KIF26B: variants seen among roughly 807,000 people sequenced by gnomAD.
KIF26B encodes kinesin family member 26B.
A neutral mutation model predicts 151.2 loss-of-function variants in KIF26B; 63 were observed. The observed-to-expected ratio is 0.42, with a 90% CI of 0.34 to 0.51. The LOEUF is 0.51. KIF26B is among the 20% of genes least tolerant of loss of function. The pLI is 0.07. For missense variants in KIF26B, 2,813 were observed against 2,913.6 expected (o/e 0.97, Z 0.79); for synonymous variants, 1,357 against 1,262.1 (o/e 1.08, Z -1.59).
chr1:245,311,260 A>G (rs964509642), intron 2 of KIF26B, among the ~76,000 whole-genome samples: 3 of 152,144 alleles, frequency 2.0e-5, no homozygotes, highest in African/African-American at 2.4e-5. Context: ...AGTGGCCACT[A>G]TCTCTGCATT....
At chr1:245,273,631 G>T (rs1670890316) in intron 2 of KIF26B, among the ~76,000 whole-genome samples, 1 of 151,994 alleles carries the variant, frequency 6.6e-6, no homozygotes, top group South Asian at 2.1e-4. Context: ...CTGGTTTCTT[G>T]TGGCAGTTTT....
intron 4 of KIF26B, among the ~76,000 whole-genome samples, chr1:245,534,512 G>A (rs1336344163): frequency 2.6e-5 from 4 of 152,064 alleles, no homozygotes; most frequent in Non-Finnish European, 5.9e-5. Flanking sequence ...CATCCTGCTA[G>A]AGAGACTTTT....
chr1:245,602,231 C>G lies in KIF26B; in HGVS notation c.1351-346C>G, dbSNP rs1292908652. Among the ~76,000 whole-genome samples, 2 of 152,128 alleles carry G rather than the reference C, an allele frequency of 1.3e-5. No individual in the cohort carries two copies. The highest frequency in any genetic ancestry group is 1.3e-4 in the Admixed American group (2 of 15,272). On this transcript the variant is annotated intron_variant, in intron 5 of 14. Transcript: ENST00000407071. The surrounding 1 kb of genome is among the most constrained non-coding windows in gnomAD (Gnocchi z 4.5). ...GTGAGCTTCAAGGAAACTGCACCAG[C>G]CCCTATAGTTTGGCAGTCCAGACTA...
At chr1:245,366,366 A>G (rs1672952202) in intron 2 of KIF26B, among the ~76,000 whole-genome samples, 1 of 151,992 alleles carries the variant, frequency 6.6e-6, no homozygotes, top group Non-Finnish European at 1.5e-5. Context: ...CCCCATCTCT[A>G]CTAAAAGTAC....
chr1:245,527,523 G>GTTTT (rs1219756621), intron 4 of KIF26B, among the ~76,000 whole-genome samples: 2 of 40,524 alleles, frequency 4.9e-5, no homozygotes, highest in African/African-American at 9.0e-5. Context: ...CTTTGGGATG[G>GTTTT]CTTTTTTTTT....
intron 3 of KIF26B, among the ~76,000 whole-genome samples, chr1:245,397,442 C>T (rs1258083707): frequency 6.6e-6 from 1 of 152,110 alleles, no homozygotes; most frequent in Admixed American, 6.5e-5. Context: ...TATCGAACTC[C>T]CGACCTCAGG....
chr1:245,261,421 G>A (rs759627343), intron 2 of KIF26B, among the ~76,000 whole-genome samples: 3 of 151,326 alleles, frequency 2.0e-5, no homozygotes, highest in African/African-American at 7.3e-5. Flanking sequence ...ATGAGCCACC[G>A]CGCCCAGCTT....
intron 2 of KIF26B, among the ~76,000 whole-genome samples, chr1:245,276,648 T>G (rs914155382): frequency 2.6e-5 from 4 of 152,160 alleles, no homozygotes; most frequent in African/African-American, 7.2e-5. Flanking sequence ...TCCTCTTGCT[T>G]ACACTGTGCT....
At chr1:245,627,698 T>G (rs890609602) in intron 9 of KIF26B, among the ~76,000 whole-genome samples, 3 of 151,800 alleles carry the variant, frequency 2.0e-5, no homozygotes, top group Admixed American at 6.6e-5. Flanking sequence ...AGGAGCCAGT[T>G]TTTTGAAAAA....
At chr1:245,344,179 CCTAT>C (rs1204684607) in intron 2 of KIF26B, among the ~76,000 whole-genome samples, 1 of 150,732 alleles carries the variant, frequency 6.6e-6, no homozygotes, top group African/African-American at 2.4e-5. Context: ...TGTCTCCCTC[CCTAT>C]CTCTTTCTTT....
rs546464276 is a variant in KIF26B at position 245,479,114 on chromosome 1, T to G, written c.1166+59369T>G. ...GAGGGCTGGATGGATGAGTCTGGAA[T>G]TCAGGAAGCAGCCTGGGCTGCAGAT... On this transcript the variant is annotated intron_variant, in intron 4 of 14. Coordinates refer to ENST00000407071, the MANE Select transcript of KIF26B (RefSeq NM_018012.4). Among the ~76,000 whole-genome samples, 29 of 151,812 alleles carry G rather than the reference T, an allele frequency of 1.9e-4. 2 individuals carry two copies. Among genetic ancestry groups the G allele is most frequent in the Admixed American group, 3.9e-4 (6 of 15,262 alleles).
intron 12 of KIF26B, among the ~76,000 whole-genome samples, chr1:245,693,796 A>G (rs1364066700): frequency 6.6e-6 from 1 of 152,226 alleles, no homozygotes; most frequent in African/African-American, 2.4e-5. Flanking sequence ...GTTTTGTTTT[A>G]ATAAATTCAA....
intron 2 of KIF26B, among the ~76,000 whole-genome samples, chr1:245,274,398 C>T (rs113776052): frequency 2.6e-5 from 4 of 151,972 alleles, no homozygotes; most frequent in Non-Finnish European, 4.4e-5. Flanking sequence ...CAACAGGCCC[C>T]GGTGTGTGAT....
rs2043076778 is a variant in KIF26B, at chr1:245,572,664, C to A, written c.1351-29913C>A. Among the ~76,000 whole-genome samples the A allele has an allele frequency of 1.3e-5, 2 of 152,004 alleles. No homozygotes were observed. Among genetic ancestry groups the A allele is most frequent in the Non-Finnish European group, 2.9e-5 (2 of 67,998 alleles). ...GTTGCCTTTCCTAGAAGGAATCATC[C>A]CGATGATACTATTCCTTACTTCTCA... On this transcript the variant is annotated intron_variant, in intron 5 of 14. Transcript: ENST00000407071. This position sits in a 1 kb window ranked among gnomAD's most constrained non-coding sequence, Gnocchi z 4.2.
rs1672740829 is a variant in KIF26B at position 245,358,255 on chromosome 1, T to C, written c.466-8579T>C. Among the ~76,000 whole-genome samples, 1 of 152,206 alleles carries C rather than the reference T, an allele frequency of 6.6e-6. No individual in the cohort carries two copies. The highest frequency in any genetic ancestry group is 2.4e-5 in the African/African-American group (1 of 41,450). On this transcript the variant is annotated intron_variant, in intron 2 of 14. Transcript: ENST00000407071. This position sits in a 1 kb window ranked among gnomAD's most constrained non-coding sequence, Gnocchi z 4.1. ...GCAACACCACCAAATTTTAGGTATT[T>C]AATCTTTTTGTAGTAAGTTTAAGAA...
intron 2 of KIF26B, among the ~76,000 whole-genome samples, chr1:245,366,508 G>A (rs1018280349): frequency 2.0e-5 from 3 of 150,224 alleles, no homozygotes; most frequent in African/African-American, 7.4e-5. Flanking sequence ...TCCAGCCTGG[G>A]TGACAAGGCG....
intron 2 of KIF26B, among the ~76,000 whole-genome samples, chr1:245,158,870 G>GTGTGTGTGTGTGTGGT (rs556695816): frequency 2.6e-4 from 11 of 42,564 alleles, no homozygotes; most frequent in African/African-American, 5.8e-4. Context: ...GTGTGTGTGT[G>GTGTGTGTGTGTGTGGT]GTGTGTGTTT....
intron 2 of KIF26B, among the ~76,000 whole-genome samples, chr1:245,296,921 A>G (rs185099688): frequency 1.4e-3 from 218 of 152,358 alleles, no homozygotes; most frequent in African/African-American, 5.0e-3. Context: ...TAGCACGCTT[A>G]AGAGCAACAC....
rs1669891319 is a variant in KIF26B at position 245,227,077 on chromosome 1, G to A, written c.465+70394G>A. Among the ~76,000 whole-genome samples the A allele has an allele frequency of 6.6e-6, 1 of 152,072 alleles. No homozygotes were observed. On this transcript the variant is annotated intron_variant, in intron 2 of 14. Transcript: ENST00000407071. The surrounding 1 kb of genome is among the most constrained non-coding windows in gnomAD (Gnocchi z 4.1). ...ATTCACTCAGTCCACCCCTAGCACGGGCCAGTCCTATGTCGTTTTTTGGCA... is the reference window on the plus strand; with the variant it reads ...ATTCACTCAGTCCACCCCTAGCACGAGCCAGTCCTATGTCGTTTTTTGGCA...
Sources: gnomAD v4.1 joint callset for allele counts (sites outside exome capture counted in the v4.1 genomes callset) on GRCh38, gnomAD v4.1.1 for gene constraint, Gnocchi (gnomAD v3.1) non-coding constraint, MANE v1.5 for transcripts, NCBI Gene and HGNC (gene_info 2026-07-23, HGNC 2026-07-21) for gene names.